The following GUCA2B variants were observed in gnomAD, a reference collection of about 807,000 sequenced individuals.
GUCA2B encodes the protein prepro-uroguanylin.
Under a neutral mutation model 11.1 loss-of-function variants are expected in GUCA2B, and 7 were observed. The observed-to-expected ratio is 0.63, with a 90% CI of 0.36 to 1.18. The LOEUF is 1.18. GUCA2B is among the 50% of genes most tolerant of loss of function. The pLI, the probability that GUCA2B is intolerant of heterozygous loss-of-function variation, is 0.02. For missense variants in GUCA2B, 140 were observed against 142.5 expected, an observed-to-expected ratio of 0.98 and a Z score of 0.09; for synonymous variants, 69 against 65.3, an observed-to-expected ratio of 1.06 and a Z score of -0.27.
At position 42,154,834 on chromosome 1, in the gene GUCA2B, C is replaced by T. The variant is rs747856024; in HGVS notation, c.245C>T (p.Ser82Leu). 4 of 1,613,774 alleles carry T rather than the reference C, an allele frequency of 2.5e-6. No individual in the cohort carries two copies. Among genetic ancestry groups the T allele is most frequent in the Non-Finnish European group, 3.4e-6 (4 of 1,179,818 alleles). Residue 82 changes from serine to leucine, a missense_variant, in exon 2 of 3, where the codon TCG becomes TTG. Coordinates refer to ENST00000372581, the MANE Select transcript of GUCA2B (RefSeq NM_007102.3). Reference protein sequence around the residue: ...LPQDLQPVCASQEASSIFKTL... With the variant: ...LPQDLQPVCALQEASSIFKTL... ...CAGGACCTTCAGCCTGTCTGCGCCTCGCAGGAGGCTTCCAGCATCTTCAAG... is the reference window on the plus strand; with the variant it reads ...CAGGACCTTCAGCCTGTCTGCGCCTTGCAGGAGGCTTCCAGCATCTTCAAG...
At chr1:42,155,015 C>T (rs1646102466) in intron 2 of GUCA2B, 149 bp downstream of exon 2, 3 of 655,692 alleles carry the variant, frequency 4.6e-6, no homozygotes, top group Admixed American at 2.9e-5. Flanking sequence ...CCAGGACTCC[C>T]CGGTTTGGGC....
At chr1:42,154,620 G>T in intron 1 of GUCA2B, 60 bp from the exon 2 acceptor site, 1 of 1,394,868 alleles carries the variant, frequency 7.2e-7, no homozygotes, top group Non-Finnish European at 1.0e-6. Flanking sequence ...GGGTGTCATG[G>T]CAGTGCCTGC....
intron 2 of GUCA2B, among the ~76,000 whole-genome samples, chr1:42,155,239 A>G (rs1333128644): frequency 1.3e-5 from 2 of 152,218 alleles, no homozygotes; most frequent in Non-Finnish European, 2.9e-5. Flanking sequence ...GCAACTAGCT[A>G]GCACTTACTG....
intron 2 of GUCA2B, 30 bp from the exon 3 acceptor site, chr1:42,155,505 G>A (rs1290265344): frequency 6.3e-7 from 1 of 1,599,468 alleles, no homozygotes; most frequent in Admixed American, 1.7e-5. Flanking sequence ...CCCAGGTTCA[G>A]GTCAACTGAC....
At chr1:42,153,597 G>T in intron 1 of GUCA2B, 57 bp downstream of exon 1, 7 of 1,258,874 alleles carry the variant, frequency 5.6e-6, no homozygotes, top group Non-Finnish European at 8.0e-6. Flanking sequence ...GGGAGGCTAG[G>T]CTGGAGAGGG....
In GUCA2B at chr1:42,155,744, G is replaced by C; in HGVS notation, c.*148G>C. The C allele has an allele frequency of 1.4e-6, 1 of 708,216 alleles. No homozygotes were observed. Among genetic ancestry groups the C allele is most frequent in the Non-Finnish European group, 2.6e-6 (1 of 391,024 alleles). 43.9% of individuals were successfully genotyped at this position (708,216 alleles called of 1,614,324 possible). ...TCCAGGGCCTGAGCAGCTGGATCTG[G>C]TACAAAGCAATCGGACATAGAGTTG... On this transcript the variant is annotated 3_prime_UTR_variant, in exon 3 of 3. Transcript: ENST00000372581.
chr1:42,154,761 C>T lies in GUCA2B; in HGVS notation c.172C>T (p.Gln58Ter). ...EAQWAPSPRL[Q>*]AQSLLPAVCH... ...ACAGTGGGCACCCAGCCCCCGCCTGCAGGCCCAGAGCCTCCTGCCCGCCGT... is the reference window on the plus strand; with the variant it reads ...ACAGTGGGCACCCAGCCCCCGCCTGTAGGCCCAGAGCCTCCTGCCCGCCGT... The change falls in exon 2 of 3, where the codon CAG (glutamine) becomes TAG (stop). Residue 58 changes from glutamine (Q) to a stop codon, truncating the protein, a stop_gained. Transcript: ENST00000372581. LOFTEE classifies it high-confidence loss of function. 1 of 1,613,848 alleles carries T rather than the reference C, an allele frequency of 6.2e-7. No homozygotes were observed. Among genetic ancestry groups the T allele is most frequent in the Non-Finnish European group, 8.5e-7 (1 of 1,179,726 alleles).
chr1:42,154,478 G>A (rs970848663), intron 1 of GUCA2B, among the ~76,000 whole-genome samples: 2 of 152,144 alleles, frequency 1.3e-5, no homozygotes, highest in African/African-American at 2.4e-5. Flanking sequence ...CTAAAGCCTC[G>A]AACCACTGTG....
chr1:42,155,073 G>A (rs1051969475), intron 2 of GUCA2B, among the ~76,000 whole-genome samples: 9 of 152,150 alleles, frequency 5.9e-5, no homozygotes, highest in Non-Finnish European at 1.2e-4. Context: ...CTTAGTCCAC[G>A]CCAGGCACAG....
chr1:42,155,790 A>C lies in GUCA2B; in HGVS notation c.*194A>C. Reference sequence around the variant, plus strand: ...AGTTGGAGGGGGAGGCCCCTGAGGCAGCCCAGCTCCTGAATAAAGATTCTA... The same window carrying C: ...AGTTGGAGGGGGAGGCCCCTGAGGCCGCCCAGCTCCTGAATAAAGATTCTA... On this transcript the variant is annotated 3_prime_UTR_variant, in exon 3 of 3. Coordinates refer to ENST00000372581, the MANE Select transcript of GUCA2B (RefSeq NM_007102.3). The C allele has an allele frequency of 1.6e-6, 1 of 621,958 alleles. No individual in the cohort carries two copies. Among genetic ancestry groups the C allele is most frequent in the Non-Finnish European group, 2.9e-6 (1 of 344,776 alleles). 38.5% of individuals were successfully genotyped at this position (621,958 alleles called of 1,614,324 possible).
At position 42,155,615 on chromosome 1, in the gene GUCA2B, G is replaced by T; in HGVS notation, c.*19G>T. 1 of 1,596,012 alleles carries T rather than the reference G, an allele frequency of 6.3e-7. No individual in the cohort carries two copies. The highest frequency in any genetic ancestry group is 2.2e-5 in the East Asian group (1 of 44,780). The stretch of plus-strand genomic sequence containing the variant: ...CCTCTGAGATAGCCCTGGGTACCCT[G>T]AGCCCACCAGGGACACCTCGCCCTT... On this transcript the variant is annotated 3_prime_UTR_variant, in exon 3 of 3. Transcript: ENST00000372581.
Position 42,154,822 on chromosome 1 carries a change from C to T in GUCA2B, c.233C>T (p.Pro78Leu), listed in dbSNP as rs758360277. Residue 78 changes from proline to leucine, a missense_variant, in exon 2 of 3, where the codon CCT becomes CTT. Pro to Leu is a moderately conservative substitution (Grantham distance 98). Transcript: ENST00000372581. Reference protein sequence around the residue: ...HHPALPQDLQPVCASQEASSI... With the variant: ...HHPALPQDLQLVCASQEASSI... ...CCTGCTCTGCCTCAGGACCTTCAGC[C>T]TGTCTGCGCCTCGCAGGAGGCTTCC... 4 of 1,613,942 alleles carry T rather than the reference C, an allele frequency of 2.5e-6. No homozygotes were observed. In the South Asian group the frequency reaches 4.4e-5, roughly 18 times the overall value.
At chr1:42,154,904 T>A in intron 2 of GUCA2B, 38 bp downstream of exon 2, 2 of 1,517,732 alleles carry the variant, frequency 1.3e-6, no homozygotes, top group Non-Finnish European at 1.8e-6. Context: ...TCGCTCTGTC[T>A]CCTCCCACGC....
At chr1:42,153,742 C>T (rs142877055) in intron 1 of GUCA2B, among the ~76,000 whole-genome samples, 1 of 152,316 alleles carries the variant, frequency 6.6e-6, no homozygotes, top group African/African-American at 2.4e-5. Flanking sequence ...ATGGCAATGA[C>T]AACACCAAAC....
intron 2 of GUCA2B, among the ~76,000 whole-genome samples, chr1:42,155,071 A>C (rs540221191): frequency 7.2e-5 from 11 of 152,146 alleles, no homozygotes; most frequent in Non-Finnish European, 1.5e-4. Flanking sequence ...CCCTTAGTCC[A>C]CGCCAGGCAC....
chr1:42,153,647 C>A, intron 1 of GUCA2B, 107 bp downstream of exon 1: 1 of 797,598 alleles, frequency 1.3e-6, no homozygotes, highest in Non-Finnish European at 2.0e-6. Flanking sequence ...GAGCACGGGG[C>A]CCGGGGCTCA....
intron 1 of GUCA2B, among the ~76,000 whole-genome samples, chr1:42,153,827 G>C (rs1487753829): frequency 6.6e-6 from 1 of 152,222 alleles, no homozygotes; most frequent in Non-Finnish European, 1.5e-5. Flanking sequence ...GCTCCTCCTT[G>C]CATGGGAGGA....
At chr1:42,155,344 T>G (rs574782683) in intron 2 of GUCA2B, among the ~76,000 whole-genome samples, 191 bp from the exon 3 acceptor site, 1 of 152,028 alleles carries the variant, frequency 6.6e-6, no homozygotes, top group East Asian at 1.9e-4. Context: ...GCACAGGGAG[T>G]GTGAGTGACT....
intron 2 of GUCA2B, 31 bp downstream of exon 2, chr1:42,154,897 C>G (rs1351413474): frequency 1.3e-6 from 2 of 1,546,136 alleles, no homozygotes; most frequent in South Asian, 1.2e-5. Context: ...CAGAACCTCG[C>G]TCTGTCTCCT....
Sources: gnomAD v4.1 joint callset for allele counts (sites outside exome capture counted in the v4.1 genomes callset) on GRCh38, gnomAD v4.1.1 for gene constraint, MANE v1.5 for transcripts, NCBI Gene and HGNC (gene_info 2026-07-23, HGNC 2026-07-21) for gene names.